The following XKR9 variants were observed in gnomAD, a reference collection of about 807,000 sequenced individuals.
The protein encoded by XKR9 is XK-related protein 9.
A neutral mutation model predicts 32.0 loss-of-function variants in XKR9; 32 were observed. The ratio of observed to expected loss-of-function variants is 1.00; its 90% CI spans 0.76 to 1.34. XKR9 has a LOEUF of 1.34. XKR9 is among the 40% of genes most tolerant of loss of function. The pLI is 0.00. For synonymous variants in XKR9, 168 were observed against 143.4 expected (o/e 1.17, Z -1.22); for missense variants, 546 against 429.7 (o/e 1.27, Z -2.39).
At chr8:70,803,751 G>A in the XKR9 span, among the ~76,000 whole-genome samples, 1 of 152,144 alleles carries the variant, frequency 6.6e-6, no homozygotes, top group Non-Finnish European at 1.5e-5. Context: ...TCTTTTGTTG[G>A]GTGTTCTGGA....
chr8:70,686,196 C>G (rs534324054), intron 3 of XKR9, among the ~76,000 whole-genome samples: 1 of 150,628 alleles, frequency 6.6e-6, no homozygotes, highest in South Asian at 2.1e-4. Flanking sequence ...TCTTTCTTTC[C>G]TCTCCTTTTT....
chr8:70,749,395 C>A (rs1295688825), intron 2 of XKR9, among the ~76,000 whole-genome samples: 2 of 152,250 alleles, frequency 1.3e-5, no homozygotes, highest in East Asian at 1.9e-4. Context: ...TACTGTAACA[C>A]CCTCTTTGGA....
At chr8:70,861,758 T>C in the XKR9 span, among the ~76,000 whole-genome samples, 4 of 152,180 alleles carry the variant, frequency 2.6e-5, no homozygotes, top group African/African-American at 4.8e-5. Context: ...AAGCACTGTA[T>C]ACATATTAGC....
chr8:70,763,575 A>G (rs537328210), intron 2 of XKR9, among the ~76,000 whole-genome samples: 1 of 152,352 alleles, frequency 6.6e-6, no homozygotes, highest in South Asian at 2.1e-4. Flanking sequence ...TAAACAATGT[A>G]TATATTCAGT....
At chr8:70,737,458 AT>A (rs1806885147), downstream of XKR9, among the ~76,000 whole-genome samples, 2 of 143,700 alleles carry the variant, frequency 1.4e-5, no homozygotes, top group Admixed American at 7.0e-5. Flanking sequence ...AATACCCTTT[AT>A]TTCCTTCTCC....
chr8:70,670,951 G>A (rs1191301087), intron 1 of XKR9, among the ~76,000 whole-genome samples: 1 of 152,140 alleles, frequency 6.6e-6, no homozygotes, highest in African/African-American at 2.4e-5. Flanking sequence ...CTGGAGAAGA[G>A]GATGGAACAG....
the XKR9 span, among the ~76,000 whole-genome samples, chr8:70,919,861 A>T: frequency 6.6e-6 from 1 of 152,208 alleles, no homozygotes; most frequent in Non-Finnish European, 1.5e-5. Flanking sequence ...AAATATTGAG[A>T]TCATTTCAAA....
the XKR9 span, among the ~76,000 whole-genome samples, chr8:70,877,392 C>T: frequency 6.6e-6 from 1 of 152,116 alleles, no homozygotes; most frequent in African/African-American, 2.4e-5. Flanking sequence ...ACCTTCATAA[C>T]AAACCTAAGA....
At chr8:70,723,719 A>T (rs1387893645) in intron 4 of XKR9, among the ~76,000 whole-genome samples, 1 of 151,980 alleles carries the variant, frequency 6.6e-6, no homozygotes, top group African/African-American at 2.4e-5. Flanking sequence ...GCCTTATGTC[A>T]ACTGGAGCTC....
At chr8:70,741,138 G>A in intron 2 of XKR9, among the ~76,000 whole-genome samples, 1 of 152,220 alleles carries the variant, frequency 6.6e-6, no homozygotes, top group Non-Finnish European at 1.5e-5. Flanking sequence ...CGAGCATCTG[G>A]GCTGCTTTGT....
At chr8:71,059,927 G>A in the XKR9 span, among the ~76,000 whole-genome samples, 4 of 152,194 alleles carry the variant, frequency 2.6e-5, no homozygotes, top group Non-Finnish European at 5.9e-5. Context: ...CTGCTAGTAA[G>A]TTGAAGATTT....
intron 2 of XKR9, among the ~76,000 whole-genome samples, chr8:70,745,087 C>CT (rs1338226315): frequency 1.3e-5 from 2 of 149,952 alleles, no homozygotes; most frequent in African/African-American, 4.9e-5. Flanking sequence ...AGCTTGAATG[C>CT]TAAGTGTCCC....
At chr8:70,879,732 CAAAGAGGATCTGG>C in the XKR9 span, among the ~76,000 whole-genome samples, 2 of 150,768 alleles carry the variant, frequency 1.3e-5, no homozygotes, top group East Asian at 3.9e-4. Flanking sequence ...ACCAGAGGTG[CAAAGAGGATCTGG>C]AAAGAGGGAA....
chr8:70,855,534 C>G, the XKR9 span, among the ~76,000 whole-genome samples: 56 of 152,250 alleles, frequency 3.7e-4, no homozygotes, highest in Admixed American at 2.2e-3. Context: ...GAGAATGGAA[C>G]GAAGTTGCAA....
At chr8:70,992,373 C>A in the XKR9 span, among the ~76,000 whole-genome samples, 2 of 152,130 alleles carry the variant, frequency 1.3e-5, no homozygotes, top group South Asian at 4.2e-4. Flanking sequence ...TCAGAAAGTA[C>A]CTGTTCTTAG....
At chr8:70,754,119 T>C (rs1485821128) in intron 2 of XKR9, among the ~76,000 whole-genome samples, 4 of 142,516 alleles carry the variant, frequency 2.8e-5, no homozygotes, top group Admixed American at 1.7e-4. Flanking sequence ...TATACACCAA[T>C]AACAGACAAA....
At chr8:70,778,855 C>T (rs1025544934) in intron 2 of XKR9, among the ~76,000 whole-genome samples, 8 of 152,030 alleles carry the variant, frequency 5.3e-5, no homozygotes, top group African/African-American at 1.2e-4. Context: ...TGGGCTGAGA[C>T]GATGGGGTTT....
chr8:70,917,263 T>C, the XKR9 span, among the ~76,000 whole-genome samples: 1 of 152,204 alleles, frequency 6.6e-6, no homozygotes, highest in East Asian at 1.9e-4. Flanking sequence ...CTGGTCATCC[T>C]ACCAAAAATA....
rs568266824 is a variant in XKR9, at chr8:70,735,224, A to G, written c.*800A>G. ...AAGGACTTTTTCACCTTGTAAAACT[A>G]AGATTCTCTATTTATTGAACAAATC... On this transcript the variant is annotated 3_prime_UTR_variant, in exon 5 of 5. Coordinates refer to ENST00000408926, the MANE Select transcript of XKR9 (RefSeq NM_001011720.2). 9 of 151,704 alleles carry G rather than the reference A, an allele frequency of 5.9e-5. No individual in the cohort carries two copies. Among genetic ancestry groups the G allele is most frequent in the African/African-American group, 2.2e-4 (9 of 41,192 alleles). 9.4% of individuals were successfully genotyped at this position (151,704 alleles called of 1,614,324 possible).
Sources: allele counts gnomAD v4.1 joint callset (sites outside exome capture counted in the v4.1 genomes callset), GRCh38; gene constraint gnomAD v4.1.1; transcripts MANE v1.5; gene names NCBI Gene and HGNC (gene_info 2026-07-23, HGNC 2026-07-21).